STXBP4: variants seen among roughly 807,000 people sequenced by gnomAD.
The protein encoded by STXBP4 is syntaxin binding protein 4.
STXBP4 carries 55 observed loss-of-function variants against 76.1 expected under a neutral mutation model. That is an observed-to-expected ratio of 0.72 (90% CI 0.58 to 0.91). The LOEUF (loss-of-function observed/expected upper bound fraction) is 0.91, where lower values mean the gene tolerates loss of function less well. Among genes scored for constraint, STXBP4 ranks in the 40% least tolerant of loss-of-function variants. The probability of loss-of-function intolerance (pLI) is 0.00; values close to 1 mark genes in which losing one functional copy is unlikely to be tolerated. For missense variants in STXBP4, 618 were observed against 636.9 expected, an observed-to-expected ratio of 0.97 and a Z score of 0.32; for synonymous variants, 201 against 220.2, an observed-to-expected ratio of 0.91 and a Z score of 0.77.
intron 16 of STXBP4, among the ~76,000 whole-genome samples, chr17:55,103,337 T>A (rs906132343): frequency 1.3e-5 from 2 of 152,104 alleles, no homozygotes; most frequent in African/African-American, 4.8e-5. Context: ...CCAGTTTCAG[T>A]TTTCTACATA....
At chr17:55,065,075 G>T (rs186120539) in intron 12 of STXBP4, among the ~76,000 whole-genome samples, 35 of 151,934 alleles carry the variant, frequency 2.3e-4, no homozygotes, top group African/African-American at 8.2e-4. Context: ...CATAATATAG[G>T]GTCTGTATGG....
intron 16 of STXBP4, among the ~76,000 whole-genome samples, chr17:55,117,179 T>G (rs183103440): frequency 1.3e-5 from 2 of 151,918 alleles, no homozygotes; most frequent in Admixed American, 6.6e-5. Context: ...TACTAAGCAA[T>G]TTTTTTAATC....
intron 8 of STXBP4, among the ~76,000 whole-genome samples, chr17:55,019,535 T>G (rs183866382): frequency 6.6e-6 from 1 of 152,272 alleles, no homozygotes; most frequent in Admixed American, 6.5e-5. Flanking sequence ...TATTAATATA[T>G]TTGTTTAGCT....
rs2080396185 is a variant in STXBP4, at chr17:55,169,765, A to G, written c.*9854A>G. ...GTTAAAAGCTATTTCTAAAAACCCT[A>G]ACATGAAATACTTAGAAGAGATCAA... On this transcript the variant is annotated 3_prime_UTR_variant, in exon 18 of 18. Transcript: ENST00000376352. 6.6e-6 allele frequency: 1 copy of G among 152,232 alleles called. No homozygotes were observed. Among genetic ancestry groups the G allele is most frequent in the Non-Finnish European group, 1.5e-5 (1 of 68,044 alleles). 9.4% of individuals were successfully genotyped at this position (152,232 alleles called of 1,614,324 possible).
chr17:54,969,023 G>T (rs2077337238), intron 1 of STXBP4, among the ~76,000 whole-genome samples: 1 of 152,158 alleles, frequency 6.6e-6, no homozygotes, highest in South Asian at 2.1e-4. Context: ...TTCTCCTGGG[G>T]TCCCTTGGCC....
chr17:55,035,296 C>T (rs1441717855), intron 10 of STXBP4, among the ~76,000 whole-genome samples: 2 of 151,524 alleles, frequency 1.3e-5, no homozygotes, highest in South Asian at 4.2e-4. Flanking sequence ...TAAAAGAAAC[C>T]TGTTATTATA....
At position 55,160,504 on chromosome 17, in the gene STXBP4, G is replaced by C. The variant is rs1000696782; in HGVS notation, c.*593G>C. ...ACAACATGCCCGTGAAGCTGATCTG[G>C]TGGGTATGTTTATTCTTGGTTTTCA... On this transcript the variant is annotated 3_prime_UTR_variant, in exon 18 of 18. Coordinates refer to ENST00000376352, the MANE Select transcript of STXBP4 (RefSeq NM_178509.6). 1 of 152,558 alleles carries C rather than the reference G, an allele frequency of 6.6e-6. No homozygotes were observed. The highest frequency in any genetic ancestry group is 1.5e-5 in the Non-Finnish European group (1 of 68,074). The allele number at this position is 152,558 out of a possible 1,614,324, so 9.5% of individuals were successfully genotyped here. A position where few individuals can be genotyped will look rare whatever the true frequency, so the allele number is the denominator to read the frequency against.
In STXBP4 at chr17:55,118,959, T is replaced by A. The variant is rs946802026; in HGVS notation, c.1490-22351T>A. ...TAACTGATTTATATATATATATATA[T>A]AAATATTTTATTATACTTTAAGTTC... On this transcript the variant is annotated intron_variant, in intron 16 of 17. Coordinates refer to ENST00000376352, the MANE Select transcript of STXBP4 (RefSeq NM_178509.6). Among the ~76,000 whole-genome samples, 24 of 149,404 alleles carry A rather than the reference T, an allele frequency of 1.6e-4. No individual in the cohort carries two copies. The East Asian group carries it at 2.1e-3, about 13-fold the overall frequency.
chr17:55,176,129 A>C (rs1019231833), downstream of STXBP4, among the ~76,000 whole-genome samples: 1 of 152,230 alleles, frequency 6.6e-6, no homozygotes, highest in African/African-American at 2.4e-5. Context: ...CTAGGGGCAC[A>C]GATGCTGCCC....
rs140602674 is a variant in STXBP4, at chr17:55,037,392, G to A, written c.855+3133G>A. ...AAGCAAATCTTTTTTAGCAGCTGCAGATGGATGGTCATGCTCCAGGTTAGC... is the reference window on the plus strand; with the variant it reads ...AAGCAAATCTTTTTTAGCAGCTGCAAATGGATGGTCATGCTCCAGGTTAGC... On this transcript the variant is annotated intron_variant, in intron 10 of 17. Coordinates refer to ENST00000376352, the MANE Select transcript of STXBP4 (RefSeq NM_178509.6). 3.4e-3 allele frequency among the ~76,000 whole-genome samples: 525 copies of A among 152,232 alleles called. 13 individuals carry two copies. Among genetic ancestry groups the A allele is most frequent in the Middle Eastern group, 0.027 (8 of 294 alleles).
At chr17:55,019,793 T>A (rs2078273877) in intron 8 of STXBP4, among the ~76,000 whole-genome samples, 1 of 152,198 alleles carries the variant, frequency 6.6e-6, no homozygotes, top group Admixed American at 6.5e-5. Context: ...GGGCATATAA[T>A]TCTAGGGTCA....
intron 16 of STXBP4, among the ~76,000 whole-genome samples, chr17:55,116,575 C>G (rs190608855): frequency 6.6e-6 from 1 of 151,862 alleles, no homozygotes; most frequent in African/African-American, 2.4e-5. Flanking sequence ...AGTGGTTACC[C>G]TTAGCACACA....
At chr17:55,142,767 A>G (rs912016357) in intron 17 of STXBP4, among the ~76,000 whole-genome samples, 1 of 152,206 alleles carries the variant, frequency 6.6e-6, no homozygotes, top group African/African-American at 2.4e-5. Context: ...TTTTCTTGCA[A>G]TCTCTAGCAT....
rs146602669 is a variant in STXBP4, at chr17:55,029,465, A to T, written c.667-1703A>T. On this transcript the variant is annotated intron_variant, in intron 8 of 17. Transcript: ENST00000376352. ...TTAAGTACATATCAATGAGTAATTG[A>T]TGATAGTGAGTATATAGGTGTTCTT... Among the ~76,000 whole-genome samples the T allele has an allele frequency of 2.0e-5, 3 of 152,054 alleles. No individual in the cohort carries two copies. In the East Asian group the frequency reaches 5.8e-4, roughly 29 times the overall value.
At chr17:55,039,778 G>A (rs1417882397) in intron 10 of STXBP4, among the ~76,000 whole-genome samples, 1 of 151,970 alleles carries the variant, frequency 6.6e-6, no homozygotes, top group East Asian at 1.9e-4. Flanking sequence ...GGATAACTAA[G>A]AATATGATGG....
the STXBP4 span, among the ~76,000 whole-genome samples, chr17:55,183,798 C>A: frequency 2.5e-4 from 38 of 152,166 alleles, no homozygotes; most frequent in African/African-American, 8.9e-4. Flanking sequence ...AAAAGAGAAA[C>A]TTCATAATAA....
chr17:55,039,632 A>G (rs2078664174), intron 10 of STXBP4, among the ~76,000 whole-genome samples: 2 of 152,070 alleles, frequency 1.3e-5, no homozygotes, highest in African/African-American at 2.4e-5. Flanking sequence ...TAGAAAGGAA[A>G]GAAGTTATAG....
At chr17:55,181,731 A>T in the STXBP4 span, among the ~76,000 whole-genome samples, 2 of 152,224 alleles carry the variant, frequency 1.3e-5, no homozygotes, top group African/African-American at 4.8e-5. Flanking sequence ...CTGAAAGAAG[A>T]TGGAAACCAA....
the STXBP4 span, among the ~76,000 whole-genome samples, chr17:55,204,751 T>G: frequency 6.6e-6 from 1 of 151,828 alleles, no homozygotes; most frequent in Non-Finnish European, 1.5e-5. Context: ...CCTACTTTTC[T>G]CTGGGTTTCT....
Sources: allele counts gnomAD v4.1 joint callset (sites outside exome capture counted in the v4.1 genomes callset), GRCh38; gene constraint gnomAD v4.1.1; transcripts MANE v1.5; gene names NCBI Gene and HGNC (gene_info 2026-07-23, HGNC 2026-07-21).